The following PAXIP1 variants were observed in gnomAD, a reference collection of about 807,000 sequenced individuals.
The protein encoded by PAXIP1 is PAX-interacting protein 1.
Under a neutral mutation model 140.6 loss-of-function variants are expected in PAXIP1, and 19 were observed. That is an observed-to-expected ratio of 0.14 (90% CI 0.09 to 0.20). The LOEUF (loss-of-function observed/expected upper bound fraction) is 0.20, where lower values mean the gene tolerates loss of function less well. Ranked by LOEUF, PAXIP1 falls within the 10% of genes least tolerant of loss-of-function variation. PAXIP1 has a pLI of 1.00. For missense variants in PAXIP1, 920 were observed against 1,208.6 expected (o/e 0.76, Z 3.54); for synonymous variants, 442 against 444.6 (o/e 0.99, Z 0.07).
At chr7:154,958,533 A>G (rs1484365678) in intron 13 of PAXIP1, among the ~76,000 whole-genome samples, 2 of 152,254 alleles carry the variant, frequency 1.3e-5, no homozygotes, top group Non-Finnish European at 2.9e-5. Context: ...CAAGCTTTAT[A>G]ATAATTTGCA....
chr7:154,965,692 T>C (rs1808980057), intron 8 of PAXIP1: 1 of 152,256 alleles, frequency 6.6e-6, no homozygotes. Flanking sequence ...CATTTTCTTT[T>C]CTTTAGCTTA....
chr7:154,952,857 C>T (rs542773776), intron 16 of PAXIP1, among the ~76,000 whole-genome samples: 1 of 152,256 alleles, frequency 6.6e-6, no homozygotes, highest in Admixed American at 6.5e-5. Flanking sequence ...ATGATTTATT[C>T]TTTCCTGAGT....
At chr7:154,989,927 T>C (rs1461185861) in intron 4 of PAXIP1, among the ~76,000 whole-genome samples, 6 of 152,184 alleles carry the variant, frequency 3.9e-5, no homozygotes, top group Non-Finnish European at 8.8e-5. Context: ...TCCCAAATAG[T>C]GGATGATCCG....
intron 4 of PAXIP1, among the ~76,000 whole-genome samples, chr7:154,988,830 AC>A (rs1279948610): frequency 6.6e-6 from 1 of 152,226 alleles, no homozygotes; most frequent in Non-Finnish European, 1.5e-5. Context: ...TGAAAAATTC[AC>A]ATTTTAGCCA....
At chr7:154,944,367 G>A (rs930437) in intron 20 of PAXIP1, 280,216 of 479,130 alleles carry the variant, frequency 0.58, 82,636 homozygotes, top group Admixed American at 0.67. Flanking sequence ...CACTCAGCCC[G>A]GGGACATCAG....
intron 2 of PAXIP1, 105 bp from the exon 3 acceptor site, chr7:154,993,874 T>C (rs1479501738): frequency 2.6e-6 from 2 of 770,750 alleles, no homozygotes; most frequent in Non-Finnish European, 4.2e-6. Flanking sequence ...ACAACCTATT[T>C]TAAAACATCC....
chr7:154,991,098 A>C (rs1810308070), intron 3 of PAXIP1, 29 bp from the exon 4 acceptor site: 3 of 1,257,020 alleles, frequency 2.4e-6, no homozygotes. Flanking sequence ...GATTACAATG[A>C]AATAAGATTA....
intron 13 of PAXIP1, 101 bp from the exon 14 acceptor site, chr7:154,957,395 A>G: frequency 1.7e-6 from 1 of 583,854 alleles, no homozygotes; most frequent in Non-Finnish European, 3.0e-6. Flanking sequence ...ACTTAAACAT[A>G]TACAAGAATC....
intron 13 of PAXIP1, among the ~76,000 whole-genome samples, chr7:154,957,973 CAAAAAAAAAAAA>C (rs35027196): frequency 1.1e-5 from 1 of 91,740 alleles, no homozygotes; most frequent in South Asian, 4.0e-4. Context: ...GACTCCGTCT[CAAAAAAAAAAAA>C]AAAAAAAAGA....
Position 154,946,059 on chromosome 7 carries a change from A to G in PAXIP1, c.3194+306T>C. 3.4e-5 allele frequency: 33 copies of G among 978,048 alleles called. No homozygotes were observed. Among genetic ancestry groups the G allele is most frequent in the Non-Finnish European group, 4.0e-5 (33 of 823,226 alleles). The allele number at this position is 978,048 out of a possible 1,614,324, so 60.6% of individuals were successfully genotyped here. On this transcript the variant is annotated intron_variant, in intron 20 of 20. Coordinates refer to ENST00000404141, the MANE Select transcript of PAXIP1 (RefSeq NM_007349.4). The surrounding 1 kb of genome is among the most constrained non-coding windows in gnomAD (Gnocchi z 4.9). ...AGCTGATAAAAAGAAACATATATTT[A>G]TTTTTGCAATTATTTTCTATTTTAT...
At chr7:154,967,710 A>T (rs1195887414) in intron 8 of PAXIP1, 106 bp downstream of exon 8, 1 of 717,782 alleles carries the variant, frequency 1.4e-6, no homozygotes, top group East Asian at 2.7e-5. Flanking sequence ...CATTCAGAAC[A>T]CGTGCAGGTG....
rs10264015 is a variant in PAXIP1, at chr7:154,953,234, G to C, written c.2821+1021C>G. ...TGACTTGCTCTTCCCTTTGGCAGCT[G>C]TATCTTTCTGCTTAAGGGGTCGGGG... On this transcript the variant is annotated intron_variant, in intron 16 of 20. Coordinates refer to ENST00000404141, the MANE Select transcript of PAXIP1 (RefSeq NM_007349.4). Among the ~76,000 whole-genome samples, 1,422 of 152,230 alleles carry C rather than the reference G, an allele frequency of 9.3e-3. 27 individuals carry two copies. Among genetic ancestry groups the C allele is most frequent in the African/African-American group, 0.032 (1,340 of 41,534 alleles).
intron 16 of PAXIP1, 167 bp from the exon 17 acceptor site, chr7:154,948,170 C>G (rs1808082857): frequency 3.4e-6 from 2 of 596,320 alleles, no homozygotes; most frequent in Non-Finnish European, 6.0e-6. Flanking sequence ...TTACTTCCCT[C>G]TAAAAACAGC....
rs537826735 is a variant in PAXIP1 at position 154,973,689 on chromosome 7, G to A, written c.1074+2007C>T. Among the ~76,000 whole-genome samples the A allele has an allele frequency of 6.6e-5, 10 of 152,194 alleles. No homozygotes were observed. Among genetic ancestry groups the A allele is most frequent in the Admixed American group, 2.6e-4 (4 of 15,294 alleles). ...GTCCCACAGCATTTCTAAACACTAC[G>A]TAAACCACTGCTATTATCATACCCA... is the stretch of plus-strand genomic sequence containing the variant. On this transcript the variant is annotated intron_variant, in intron 6 of 20. Transcript: ENST00000404141. This position sits in a 1 kb window ranked among gnomAD's most constrained non-coding sequence, Gnocchi z 4.0.
intron 4 of PAXIP1, among the ~76,000 whole-genome samples, chr7:154,985,088 T>C (rs1368182211): frequency 8.5e-5 from 13 of 152,198 alleles, no homozygotes; most frequent in Non-Finnish European, 1.5e-5. Flanking sequence ...ACTTTGAACA[T>C]CCATACCAGC....
intron 5 of PAXIP1, among the ~76,000 whole-genome samples, chr7:154,982,371 A>C (rs1809882694): frequency 6.6e-6 from 1 of 152,090 alleles, no homozygotes; most frequent in South Asian, 2.1e-4. Flanking sequence ...TGTTTTTTTG[A>C]GACAGAGTCT....
chr7:154,961,730 G>A, intron 10 of PAXIP1, 82 bp from the exon 11 acceptor site: 1 of 1,178,508 alleles, frequency 8.5e-7, no homozygotes, highest in Non-Finnish European at 1.2e-6. Context: ...CTTCTTAGTT[G>A]ATACATATTT....
At chr7:154,990,456 C>T (rs1165510572) in intron 4 of PAXIP1, among the ~76,000 whole-genome samples, 1 of 152,220 alleles carries the variant, frequency 6.6e-6, no homozygotes, top group African/African-American at 2.4e-5. Context: ...TTCCTGCCGG[C>T]AGGAAGCAGG....
Position 154,963,312 on chromosome 7 carries a change from A to T in PAXIP1, c.1989+359T>A, listed in dbSNP as rs1808853054. 1.3e-5 allele frequency among the ~76,000 whole-genome samples: 2 copies of T among 152,042 alleles called. No homozygotes were observed. Among genetic ancestry groups the T allele is most frequent in the Admixed American group, 1.3e-4 (2 of 15,270 alleles). ...TGCCTCAGCCTCCTGAGTAGCTGGGATTAGAGCTGCGCACCACCACACCTG... is the reference window on the plus strand; with the variant it reads ...TGCCTCAGCCTCCTGAGTAGCTGGGTTTAGAGCTGCGCACCACCACACCTG... On this transcript the variant is annotated intron_variant, in intron 9 of 20. Transcript: ENST00000404141. This position sits in a 1 kb window ranked among gnomAD's most constrained non-coding sequence, Gnocchi z 4.1.
Sources: gnomAD v4.1 joint callset for allele counts (sites outside exome capture counted in the v4.1 genomes callset) on GRCh38, gnomAD v4.1.1 for gene constraint, Gnocchi (gnomAD v3.1) non-coding constraint, MANE v1.5 for transcripts, NCBI Gene and HGNC (gene_info 2026-07-23, HGNC 2026-07-21) for gene names.